PARL: variants seen among roughly 807,000 people sequenced by gnomAD.
PARL encodes presenilin-associated rhomboid-like protein, mitochondrial.
PARL carries 44 observed loss-of-function variants against 51.6 expected under a neutral mutation model. The ratio of observed to expected loss-of-function variants is 0.85; its 90% confidence interval spans 0.67 to 1.10. The LOEUF (loss-of-function observed/expected upper bound fraction) is 1.10, where lower values mean the gene tolerates loss of function less well. PARL is among the 50% of genes least tolerant of loss of function. The pLI, the probability that PARL is intolerant of heterozygous loss-of-function variation, is 0.00. For synonymous variants in PARL, 172 were observed against 164.0 expected, an observed-to-expected ratio of 1.05 and a Z score of -0.37; for missense variants, 441 against 469.5, an observed-to-expected ratio of 0.94 and a Z score of 0.56.
chr3:183,863,352 G>C, intron 3 of PARL, among the ~76,000 whole-genome samples: 1 of 151,902 alleles, frequency 6.6e-6, no homozygotes, highest in East Asian at 1.9e-4. Context: ...TAATACAAGG[G>C]TGGAAAGGGA....
At chr3:183,883,921 A>G (rs1734831458) in intron 1 of PARL, among the ~76,000 whole-genome samples, 1 of 152,236 alleles carries the variant, frequency 6.6e-6, no homozygotes, top group South Asian at 2.1e-4. Context: ...ACCACTGACT[A>G]TCCCACGTGT....
chr3:183,844,358 T>G (rs1403486576), intron 4 of PARL, 32 bp from the exon 5 acceptor site: 7 of 1,367,028 alleles, frequency 5.1e-6, no homozygotes, highest in Non-Finnish European at 6.3e-6. Context: ...TTTAGGGAGG[T>G]TAAAAATGAA....
intron 4 of PARL, among the ~76,000 whole-genome samples, chr3:183,850,796 G>C (rs944002581): frequency 6.6e-5 from 10 of 152,280 alleles, no homozygotes; most frequent in Admixed American, 6.5e-4. Context: ...TCATGACCAA[G>C]TGGAATTTGT....
intron 1 of PARL, among the ~76,000 whole-genome samples, chr3:183,868,361 A>T (rs1406411282): frequency 1.3e-5 from 2 of 152,142 alleles, no homozygotes; most frequent in Non-Finnish European, 2.9e-5. Flanking sequence ...ACCTGGTAAA[A>T]AGCTAGAGAA....
chr3:183,865,876 T>C (rs1732410637), intron 3 of PARL, among the ~76,000 whole-genome samples: 2 of 151,316 alleles, frequency 1.3e-5, no homozygotes, highest in Non-Finnish European at 3.0e-5. Context: ...AACATTAATT[T>C]CTTTTCTTTT....
intron 7 of PARL, among the ~76,000 whole-genome samples, chr3:183,839,916 G>C (rs905778242): frequency 6.6e-6 from 1 of 151,746 alleles, no homozygotes; most frequent in African/African-American, 2.4e-5. Context: ...AAATTTTTTT[G>C]TACAGATAGG....
chr3:183,858,681 G>A (rs1489739765), intron 4 of PARL, among the ~76,000 whole-genome samples: 1 of 152,090 alleles, frequency 6.6e-6, no homozygotes, highest in Admixed American at 6.6e-5. Context: ...TATTCTCTCT[G>A]GGGGTTGCCT....
At position 183,867,948 on chromosome 3, in the gene PARL, T is replaced by G; in HGVS notation, c.238A>C (p.Ile80Leu). Residue 80 changes from isoleucine to leucine, a missense_variant, in exon 2 of 10, where the codon ATT becomes CTT. By Grantham distance (5) the Ile-to-Leu change is conservative (BLOSUM62 2). Coordinates refer to ENST00000317096, the MANE Select transcript of PARL (RefSeq NM_018622.7). ...SGEAYKRSAL[I>L]PPVEETVFYP... The stretch of plus-strand genomic sequence containing the variant: ...AAGACTGTTTCTTCCACAGGAGGAA[T>G]CAAAGCACTTCTCTTGTATGCTTCA... 2 of 1,613,798 alleles carry G rather than the reference T, an allele frequency of 1.2e-6. No individual in the cohort carries two copies. Among genetic ancestry groups the G allele is most frequent in the South Asian group, 2.2e-5 (2 of 91,072 alleles).
intron 1 of PARL, among the ~76,000 whole-genome samples, chr3:183,880,280 T>C (rs1439598858): frequency 6.6e-6 from 1 of 152,058 alleles, no homozygotes; most frequent in African/African-American, 2.4e-5. Flanking sequence ...AGGCCTGCCT[T>C]GACTCTGCTG....
chr3:183,857,598 A>G (rs1254425098), intron 4 of PARL, among the ~76,000 whole-genome samples: 2 of 152,222 alleles, frequency 1.3e-5, no homozygotes, highest in African/African-American at 4.8e-5. Flanking sequence ...TAAACATGCA[A>G]TGGTTATTAT....
At chr3:183,862,526 T>A in intron 4 of PARL, 1 of 505,220 alleles carries the variant, frequency 2.0e-6, no homozygotes, top group Non-Finnish European at 3.6e-6. Flanking sequence ...ACAAAACTGA[T>A]CAATCAGTAT....
At chr3:183,858,346 C>T (rs1731399269) in intron 4 of PARL, among the ~76,000 whole-genome samples, 1 of 151,968 alleles carries the variant, frequency 6.6e-6, no homozygotes, top group Non-Finnish European at 1.5e-5. Context: ...AAAGAATAAG[C>T]CTGGCAGAAA....
rs771220658 is a variant in PARL, at chr3:183,844,282, G to A, written c.556C>T (p.Pro186Ser). ...CTGATCATTGTCCGCTGCAGAGAAG[G>A]TACTCTCCATAAACAGAATACAAGG... is the stretch of plus-strand genomic sequence containing the variant. ...NVLVFCLWRV[P>S]SLQRTMIRYF... Residue 186 changes from proline (P) to serine (S), a missense_variant, in exon 5 of 10, where the codon CCT becomes TCT. Physicochemically the swap from Pro to Ser is moderately conservative, Grantham distance 74. Coordinates refer to ENST00000317096, the MANE Select transcript of PARL (RefSeq NM_018622.7). 6.2e-7 allele frequency: 1 copy of A among 1,609,278 alleles called. No individual in the cohort carries two copies.
chr3:183,843,968 G>A (rs2108615701), intron 5 of PARL, among the ~76,000 whole-genome samples: 1 of 152,216 alleles, frequency 6.6e-6, no homozygotes, highest in African/African-American at 2.4e-5. Flanking sequence ...GAACCTGGGA[G>A]GTGGAGGTTG....
chr3:183,831,029 T>G (rs1727876212), intron 9 of PARL, among the ~76,000 whole-genome samples: 1 of 152,198 alleles, frequency 6.6e-6, no homozygotes, highest in Admixed American at 6.5e-5. Context: ...CAGGCTGGAG[T>G]GCAGTGGCGT....
intron 4 of PARL, among the ~76,000 whole-genome samples, chr3:183,858,403 G>A (rs1731404666): frequency 6.6e-6 from 1 of 152,118 alleles, no homozygotes; most frequent in South Asian, 2.1e-4. Flanking sequence ...TGGGGCAAGG[G>A]GTCAAAGACT....
At chr3:183,852,969 C>A (rs910101211) in intron 4 of PARL, among the ~76,000 whole-genome samples, 2 of 152,016 alleles carry the variant, frequency 1.3e-5, no homozygotes, top group African/African-American at 4.8e-5. Flanking sequence ...TACCAATATA[C>A]AAAAATTAAC....
rs144943729 is a variant in PARL at position 183,881,511 on chromosome 3, T to C, written c.125+3211A>G. On this transcript the variant is annotated intron_variant, in intron 1 of 9. Coordinates refer to ENST00000317096, the MANE Select transcript of PARL (RefSeq NM_018622.7). Reference sequence around the variant, plus strand: ...ATGTTTATGTTACTCAAGATTTGTATGAACAAATTAAGTAGAAATGGCCTA... The same window carrying C: ...ATGTTTATGTTACTCAAGATTTGTACGAACAAATTAAGTAGAAATGGCCTA... 1.4e-3 allele frequency among the ~76,000 whole-genome samples: 210 copies of C among 152,368 alleles called. 4 individuals are homozygous for C. In the East Asian group the frequency reaches 0.03, roughly 22 times the overall value.
intron 9 of PARL, among the ~76,000 whole-genome samples, chr3:183,833,066 G>C (rs56675354): frequency 0.052 from 7,870 of 152,242 alleles, 689 homozygotes; most frequent in African/African-American, 0.18. Context: ...ACAGAGCAAT[G>C]GCTCCGCCAA....
Sources: gnomAD v4.1 joint callset for allele counts (sites outside exome capture counted in the v4.1 genomes callset) on GRCh38, gnomAD v4.1.1 for gene constraint, MANE v1.5 for transcripts, NCBI Gene and HGNC (gene_info 2026-07-23, HGNC 2026-07-21) for gene names.